Variants in DLGAP1 observed in about 807,000 individuals in gnomAD.
DLGAP1 encodes disks large-associated protein 1.
In DLGAP1, 11 loss-of-function variants were observed where a neutral mutation model predicts 90.8. The ratio of observed to expected loss-of-function variants is 0.12; its 90% CI spans 0.08 to 0.20. DLGAP1 has a LOEUF of 0.20. Among genes scored for constraint, DLGAP1 ranks in the 10% least tolerant of loss-of-function variants. The probability of loss-of-function intolerance (pLI) is 1.00; values close to 1 mark genes in which losing one functional copy is unlikely to be tolerated. For missense variants in DLGAP1, 1,050 were observed against 1,333.8 expected, an observed-to-expected ratio of 0.79 and a Z score of 3.31; for synonymous variants, 558 against 540.7, an observed-to-expected ratio of 1.03 and a Z score of -0.44.
intron 5 of DLGAP1, among the ~76,000 whole-genome samples, chr18:3,755,767 G>GACA (rs201999375): frequency 0.031 from 4,761 of 152,214 alleles, 169 homozygotes; most frequent in Middle Eastern, 0.088. Flanking sequence ...AACACAATTA[G>GACA]AAATCAACAA....
chr18:4,184,628 CCTA>C, intron 1 of DLGAP1, among the ~76,000 whole-genome samples: 1 of 152,194 alleles, frequency 6.6e-6, no homozygotes, highest in Middle Eastern at 3.4e-3. Context: ...TACCCAGGAT[CCTA>C]CTACTTGGAT....
intron 3 of DLGAP1, among the ~76,000 whole-genome samples, chr18:3,901,424 C>T (rs150580528): frequency 1.4e-3 from 218 of 152,228 alleles, no homozygotes; most frequent in African/African-American, 5.1e-3. Context: ...TTCTGCTTTA[C>T]ACCCCGTCCA....
At chr18:3,601,017 T>TATAG (rs1328220494) in intron 7 of DLGAP1, among the ~76,000 whole-genome samples, 1 of 142,568 alleles carries the variant, frequency 7.0e-6, no homozygotes, top group Non-Finnish European at 1.5e-5. Flanking sequence ...TAGATAGATA[T>TATAG]ATAGATATAT....
Position 3,496,181 on chromosome 18 carries a change from C to T in DLGAP1, c.*3004G>A, listed in dbSNP as rs941569177. 1 of 152,154 alleles carries T rather than the reference C, an allele frequency of 6.6e-6. No individual in the cohort carries two copies. The highest frequency in any genetic ancestry group is 2.4e-5 in the African/African-American group (1 of 41,438). 9.4% of individuals were successfully genotyped at this position (152,154 alleles called of 1,614,324 possible). On this transcript the variant is annotated 3_prime_UTR_variant, in exon 13 of 13. Transcript: ENST00000315677. The stretch of plus-strand genomic sequence containing the variant: ...AGCCATAAAAATGTTCCCACCCCTC[C>T]ATCTGAAGGCTTTCAAATGAATCTT...
intron 5 of DLGAP1, 136 bp downstream of exon 5, chr18:3,813,921 TAA>T: frequency 1.2e-6 from 1 of 810,176 alleles, no homozygotes; most frequent in East Asian, 2.6e-5. Context: ...ACGTCAGATC[TAA>T]AGTCACAATC....
chr18:3,657,626 G>A lies in DLGAP1; in HGVS notation c.1591+71509C>T, dbSNP rs1370135416. 1.2e-4 allele frequency among the ~76,000 whole-genome samples: 17 copies of A among 144,610 alleles called. No homozygotes were observed. In the East Asian group the frequency reaches 1.4e-3, roughly 12 times the overall value. 94.9% of individuals were successfully genotyped at this position (144,610 alleles called of 152,430 possible). A position where few individuals can be genotyped will look rare whatever the true frequency, so the allele number is the denominator to read the frequency against. On this transcript the variant is annotated intron_variant, in intron 7 of 12. Transcript: ENST00000315677. ...TTCTTTTTTTTTTTTTTTTTGAGAC[G>A]GAGTCTTGCTCTGTTGCCCAGGCTG... is the stretch of plus-strand genomic sequence containing the variant.
chr18:3,747,564 T>A (rs1178439313), intron 5 of DLGAP1, among the ~76,000 whole-genome samples: 1 of 152,186 alleles, frequency 6.6e-6, no homozygotes, highest in African/African-American at 2.4e-5. Context: ...CCATTCCAAA[T>A]GTTATCAGGG....
At chr18:3,541,119 C>T (rs1205349283) in intron 9 of DLGAP1, among the ~76,000 whole-genome samples, 1 of 152,176 alleles carries the variant, frequency 6.6e-6, no homozygotes, top group Non-Finnish European at 1.5e-5. Context: ...CATGAGCAGT[C>T]TCACTAACAA....
chr18:4,012,942 C>T (rs962322034), intron 2 of DLGAP1, among the ~76,000 whole-genome samples: 5 of 152,008 alleles, frequency 3.3e-5, no homozygotes, highest in East Asian at 1.9e-4. Context: ...TGAGCTCAAG[C>T]GATCCTCCTG....
chr18:4,291,508 T>C (rs557300543), intron 1 of DLGAP1, among the ~76,000 whole-genome samples: 3 of 152,296 alleles, frequency 2.0e-5, no homozygotes, highest in Admixed American at 1.3e-4. Flanking sequence ...TGTATACATA[T>C]ATGGCAGTTT....
rs866800714 is a variant in DLGAP1, at chr18:4,387,861, G to T, written c.-267+67145C>A. Among the ~76,000 whole-genome samples, 65 of 151,792 alleles carry T rather than the reference G, an allele frequency of 4.3e-4. 1 individual carries two copies. The highest frequency in any genetic ancestry group is 2.3e-3 in the South Asian group (11 of 4,792). ...CAGGAGAATCACTTGAACCCGGGAG[G>T]TGGATGCTGCAGTGAGCTGAGATCA... is the stretch of plus-strand genomic sequence containing the variant. On this transcript the variant is annotated intron_variant, in intron 1 of 12. Transcript: ENST00000315677.
At chr18:3,577,229 C>A (rs1385609347) in intron 8 of DLGAP1, among the ~76,000 whole-genome samples, 3 of 152,184 alleles carry the variant, frequency 2.0e-5, no homozygotes, top group East Asian at 1.9e-4. Context: ...CACCACGTGA[C>A]CCTGCCACCT....
Position 4,356,715 on chromosome 18 carries a change from T to A in DLGAP1, c.-267+98291A>T, listed in dbSNP as rs145276827. Among the ~76,000 whole-genome samples, 145 of 152,314 alleles carry A rather than the reference T, an allele frequency of 9.5e-4. 1 individual carries two copies. The highest frequency in any genetic ancestry group is 3.3e-3 in the African/African-American group (138 of 41,586). On this transcript the variant is annotated intron_variant, in intron 1 of 12. Transcript: ENST00000315677. ...TCTGCCCTCACTCCCTACATGCCTG[T>A]TCCGTGCAGTAAACTAAGTGCTCCT...
chr18:4,358,493 A>G (rs955883009), intron 1 of DLGAP1, among the ~76,000 whole-genome samples: 3 of 152,368 alleles, frequency 2.0e-5, no homozygotes, highest in South Asian at 2.1e-4. Flanking sequence ...AGAGGAAGTT[A>G]GAAAAGATGA....
At chr18:3,778,496 C>T (rs2065035612) in intron 5 of DLGAP1, among the ~76,000 whole-genome samples, 1 of 151,754 alleles carries the variant, frequency 6.6e-6, no homozygotes, top group Admixed American at 6.6e-5. Flanking sequence ...GAAGATAAGA[C>T]TTTTGACCAA....
chr18:3,597,249 A>ATGGGGT, intron 7 of DLGAP1: 1 of 509,540 alleles, frequency 2.0e-6, no homozygotes, highest in African/African-American at 2.0e-5. Flanking sequence ...CACCTGCACA[A>ATGGGGT]TGGGGCCTTG....
chr18:4,288,671 G>A (rs1236459389), intron 1 of DLGAP1, among the ~76,000 whole-genome samples: 1 of 152,086 alleles, frequency 6.6e-6, no homozygotes, highest in African/African-American at 2.4e-5. Context: ...AGGAGAAAGA[G>A]GGAGACACTT....
At position 4,447,238 on chromosome 18, in the gene DLGAP1, C is replaced by T. The variant is rs138704852; in HGVS notation, c.-267+7768G>A. ...TGTTCACATCAGCCTTATTTGGAAA[C>T]ATCTTAAATGTCCATCAACAAAGAT... On this transcript the variant is annotated intron_variant, in intron 1 of 12. Transcript: ENST00000315677. 6.0e-5 allele frequency among the ~76,000 whole-genome samples: 9 copies of T among 150,402 alleles called. No homozygotes were observed. The East Asian group carries it at 1.6e-3, about 27-fold the overall frequency.
intron 2 of DLGAP1, among the ~76,000 whole-genome samples, chr18:4,019,836 C>T (rs539226939): frequency 1.3e-5 from 2 of 152,272 alleles, no homozygotes; most frequent in Non-Finnish European, 2.9e-5. Context: ...CACATACACA[C>T]GCACACACCC....
Sources: gnomAD v4.1 joint callset for allele counts (sites outside exome capture counted in the v4.1 genomes callset) on GRCh38, gnomAD v4.1.1 for gene constraint, MANE v1.5 for transcripts, NCBI Gene and HGNC (gene_info 2026-07-23, HGNC 2026-07-21) for gene names.